The following KRT13 variants were observed in gnomAD, a reference collection of about 807,000 sequenced individuals.
KRT13 encodes the protein keratin, type I cytoskeletal 13.
In KRT13, 27 loss-of-function variants were observed where a neutral mutation model predicts 40.6. That is an observed-to-expected ratio of 0.67 (90% CI 0.49 to 0.92). The LOEUF (loss-of-function observed/expected upper bound fraction) is 0.92, where lower values mean the gene tolerates loss of function less well. Ranked by LOEUF, KRT13 falls within the 40% of genes least tolerant of loss-of-function variation. KRT13 has a pLI of 0.00. For missense variants in KRT13, 605 were observed against 611.5 expected, an observed-to-expected ratio of 0.99 and a Z score of 0.11; for synonymous variants, 266 against 240.3, an observed-to-expected ratio of 1.11 and a Z score of -0.99.
chr17:41,504,932 A>T, intron 1 of KRT13, 124 bp downstream of exon 1: 1 of 1,120,886 alleles, frequency 8.9e-7, no homozygotes, highest in Non-Finnish European at 1.3e-6. Context: ...GTCAAACAGT[A>T]GGCTTTTCCC....
In KRT13 at chr17:41,503,514, C is replaced by A. The variant is rs559834758; in HGVS notation, c.579-71G>T. 7.6e-5 allele frequency: 119 copies of A among 1,575,850 alleles called. No individual in the cohort carries two copies. In the South Asian group the frequency reaches 1.2e-3, roughly 16 times the overall value. ...AAATGATATGAGACATTCTCCCTAC[C>A]CCTGCACGAGACTCCAGTACTTCCA... On this transcript the variant is annotated intron_variant, in intron 2 of 7. Transcript: ENST00000246635.
At chr17:41,503,910 A>C (rs1449627549) in intron 1 of KRT13, among the ~76,000 whole-genome samples, 185 bp from the exon 2 acceptor site, 1 of 152,222 alleles carries the variant, frequency 6.6e-6, no homozygotes, top group African/African-American at 2.4e-5. Flanking sequence ...GTTTTAAGAA[A>C]GCTTACAAAT....
intron 7 of KRT13, 104 bp downstream of exon 7, chr17:41,501,615 G>A: frequency 6.5e-7 from 1 of 1,537,680 alleles, no homozygotes; most frequent in Non-Finnish European, 8.8e-7. Context: ...ACACTGGAGA[G>A]CCCAGCACTG....
chr17:41,505,194 C>T lies in KRT13; in HGVS notation c.357G>A (p.Leu119=), dbSNP rs763295293. The T allele has an allele frequency of 9.9e-6, 16 of 1,614,136 alleles. No homozygotes were observed. The highest frequency in any genetic ancestry group is 1.3e-5 in the African/African-American group (1 of 74,944). The change falls in exon 1 of 8, where the codon CTG becomes CTA. Residue 119 remains leucine, a synonymous_variant. Transcript: ENST00000246635. ...QNLNDRLASY[L]EKVRALEEAN... Reference sequence around the variant, plus strand: ...CCTCCTCCAGGGCGCGCACCTTCTCCAGGTAGGAAGCCAGGCGGTCGTTGA... The same window carrying T: ...CCTCCTCCAGGGCGCGCACCTTCTCTAGGTAGGAAGCCAGGCGGTCGTTGA...
chr17:41,503,986 G>T, intron 1 of KRT13: 4 of 473,208 alleles, frequency 8.5e-6, no homozygotes, highest in South Asian at 8.4e-5. Context: ...GGTTAGACAA[G>T]CTTGCTCTGG....
intron 7 of KRT13, 124 bp downstream of exon 7, chr17:41,501,595 C>A (rs974848163): frequency 5.4e-6 from 8 of 1,493,486 alleles, no homozygotes; most frequent in African/African-American, 4.2e-5. Flanking sequence ...CCCCAGCTCT[C>A]CCCCTCCCTA....
At chr17:41,504,443 G>A (rs76318578) in intron 1 of KRT13, 2,376 of 156,478 alleles carry the variant, frequency 0.015, 50 homozygotes, top group Middle Eastern at 0.048. Flanking sequence ...TTGTCTAAAC[G>A]TTTATATTCC....
chr17:41,501,941 C>T, intron 6 of KRT13, 197 bp from the exon 7 acceptor site: 1 of 1,468,122 alleles, frequency 6.8e-7, no homozygotes, highest in African/African-American at 1.4e-5. Flanking sequence ...GTCTGTCTGT[C>T]TGAGAGGTCT....
chr17:41,501,084 CCGGA>C lies in KRT13; in HGVS notation c.*168_*171del. The C allele has an allele frequency of 3.5e-6, 2 of 573,686 alleles. No individual in the cohort carries two copies. The highest frequency in any genetic ancestry group is 6.4e-6 in the Non-Finnish European group (2 of 310,852). The allele number at this position is 573,686 out of a possible 1,614,324, so 35.5% of individuals were successfully genotyped here. On this transcript the variant is annotated 3_prime_UTR_variant, in exon 8 of 8. Transcript: ENST00000246635. ...CAGGTCAGAGAGGAGAGAGATCCGA[CCGGA>C]AGAGAAGAGCACAGAGGGCCCACCA... is the stretch of plus-strand genomic sequence containing the variant.
At chr17:41,502,664 C>T (rs762855075) in intron 5 of KRT13, 23 bp downstream of exon 5, 30 of 1,613,314 alleles carry the variant, frequency 1.9e-5, no homozygotes, top group Admixed American at 6.7e-5. Context: ...TGGTCGCCAC[C>T]GGGCAGGAGG....
chr17:41,502,483 T>C lies in KRT13; in HGVS notation c.1135A>G (p.Ser379Gly), dbSNP rs1215951171. Residue 379 changes from serine to glycine, a missense_variant, in exon 6 of 8, where the codon AGT becomes GGT. Physicochemically the swap from Ser to Gly is moderately conservative, Grantham distance 56. Coordinates refer to ENST00000246635, the MANE Select transcript of KRT13 (RefSeq NM_153490.3). ...TCTTGGTTCTGGCACTCCATCTCAC[T>C]GCGGAGCTCGCTCAGCTGGGCCTCG... Reference protein sequence around the residue: ...SIEAQLSELRSEMECQNQEYK... With the variant: ...SIEAQLSELRGEMECQNQEYK... The C allele has an allele frequency of 2.5e-6, 4 of 1,614,194 alleles. No homozygotes were observed. In the Admixed American group the frequency reaches 5.0e-5, roughly 20 times the overall value.
rs1206895706 is a variant in KRT13 at position 41,502,784 on chromosome 17, G to T, written c.926C>A (p.Thr309Asn). 1 of 1,614,062 alleles carries T rather than the reference G, an allele frequency of 6.2e-7. No homozygotes were observed. The highest frequency in any genetic ancestry group is 8.5e-7 in the Non-Finnish European group (1 of 1,180,034). Residue 309 changes from threonine to asparagine, a missense_variant, in exon 5 of 8, where the codon ACC becomes AAC. Coordinates refer to ENST00000246635, the MANE Select transcript of KRT13 (RefSeq NM_153490.3). ...KSAELNKEVS[T>N]NTAMIQTSKT... ...GCTGGTCTGAATCATGGCAGTGTTGGTAGACACCTCCTTGTTCAGCTCTGC... is the reference window on the plus strand; with the variant it reads ...GCTGGTCTGAATCATGGCAGTGTTGTTAGACACCTCCTTGTTCAGCTCTGC...
At position 41,505,183 on chromosome 17, in the gene KRT13, C is replaced by T. The variant is rs149866915; in HGVS notation, c.368G>A (p.Arg123His). Residue 123 changes from arginine to histidine, a missense_variant, in exon 1 of 8, where the codon CGC becomes CAC. Physicochemically the swap from Arg to His is conservative, Grantham distance 29 (BLOSUM62 0). Coordinates refer to ENST00000246635, the MANE Select transcript of KRT13 (RefSeq NM_153490.3). ...DRLASYLEKV[R>H]ALEEANADLE... ...GTCAGCGTTGGCCTCCTCCAGGGCG[C>T]GCACCTTCTCCAGGTAGGAAGCCAG... is the stretch of plus-strand genomic sequence containing the variant. The T allele has an allele frequency of 1.1e-4, 184 of 1,614,074 alleles. No individual in the cohort carries two copies. Among genetic ancestry groups the T allele is most frequent in the Middle Eastern group, 3.3e-4 (2 of 6,084 alleles).
rs2144501495 is a variant in KRT13 at position 41,501,353 on chromosome 17, C to T, written c.1280G>A (p.Ser427Asn). Residue 427 changes from serine to asparagine, a missense_variant, in exon 8 of 8, where the codon AGC becomes AAC. Physicochemically the swap from Ser to Asn is conservative, Grantham distance 46. Coordinates refer to ENST00000246635, the MANE Select transcript of KRT13 (RefSeq NM_153490.3). The stretch of plus-strand genomic sequence containing the variant: ...CGTGGTAACAGAGGTGCTACGGGGG[C>T]TGACGCTTCCTGGGAAACAAGAGAC... ...IGFPSSAGSV[S>N]PRSTSVTTTS... 3.2e-6 allele frequency: 5 copies of T among 1,560,316 alleles called. No homozygotes were observed. Among genetic ancestry groups the T allele is most frequent in the South Asian group, 2.4e-5 (2 of 84,636 alleles).
At chr17:41,501,480 T>C in intron 7 of KRT13, 118 bp from the exon 8 acceptor site, 1 of 1,064,096 alleles carries the variant, frequency 9.4e-7, no homozygotes, top group Middle Eastern at 2.0e-4. Flanking sequence ...GGATGGAGAC[T>C]CTTTATTGTC....
chr17:41,502,082 G>T, intron 6 of KRT13: 3 of 1,417,726 alleles, frequency 2.1e-6, no homozygotes, highest in African/African-American at 2.9e-5. Flanking sequence ...TCTAAAGGCA[G>T]TTAAAGCACC....
chr17:41,502,066 A>G (rs1904870042), intron 6 of KRT13: 1 of 985,334 alleles, frequency 1.0e-6, no homozygotes, highest in Admixed American at 6.1e-5. Context: ...TGATTTCTGC[A>G]AAGGGTCTAA....
At position 41,503,011 on chromosome 17, in the gene KRT13, C is replaced by T. The variant is rs767618537; in HGVS notation, c.823G>A (p.Ala275Thr). The T allele has an allele frequency of 2.4e-5, 39 of 1,614,124 alleles. No individual in the cohort carries two copies. Among genetic ancestry groups the T allele is most frequent in the Non-Finnish European group, 2.9e-5 (34 of 1,180,048 alleles). ...TPGIDLTRVL[A>T]EMREQYEAMA... is the part of the protein sequence containing the mutation. The stretch of plus-strand genomic sequence containing the variant: ...GCCTCGTACTGCTCCCTCATCTCTG[C>T]CAGCACGCGGGTCAGGTCAATGCCT... The change falls in exon 4 of 8, where the codon GCA (alanine) becomes ACA (threonine). Residue 275 changes from alanine to threonine, a missense_variant. Transcript: ENST00000246635.
In KRT13 at chr17:41,505,146, C is replaced by T. The variant is rs750900235; in HGVS notation, c.405G>A (p.Lys135=). ...TCTGCTTCAGGTGCCAGTCACGGAT[C>T]TTCACCTCCAGGTCAGCGTTGGCCT... ...LEEANADLEV[K]IRDWHLKQSP... is the part of the protein sequence containing the mutation. Residue 135 remains lysine, a synonymous_variant, in exon 1 of 8, where the codon AAG becomes AAA. Transcript: ENST00000246635. 2 of 1,614,240 alleles carry T rather than the reference C, an allele frequency of 1.2e-6. No homozygotes were observed. The highest frequency in any genetic ancestry group is 2.2e-5 in the South Asian group (2 of 91,090).
Sources: allele counts gnomAD v4.1 joint callset (sites outside exome capture counted in the v4.1 genomes callset), GRCh38; gene constraint gnomAD v4.1.1; transcripts MANE v1.5; gene names NCBI Gene and HGNC (gene_info 2026-07-23, HGNC 2026-07-21).